SHLD1: variants seen among roughly 807,000 people sequenced by gnomAD.
SHLD1 encodes the protein shieldin complex subunit 1.
SHLD1 carries 3 observed loss-of-function variants against 5.5 expected under a neutral mutation model. The observed-to-expected ratio is 0.54, with a 90% confidence interval of 0.25 to 1.40. The LOEUF is 1.40. SHLD1 is among the 40% of genes most tolerant of loss of function. SHLD1 has a pLI of 0.15. For missense variants in SHLD1, 210 were observed against 244.4 expected, an observed-to-expected ratio of 0.86 and a Z score of 0.94; for synonymous variants, 92 against 94.3, an observed-to-expected ratio of 0.98 and a Z score of 0.14.
chr20:5,817,109 A>T (rs1214149978), intron 2 of SHLD1, among the ~76,000 whole-genome samples: 1 of 152,174 alleles, frequency 6.6e-6, no homozygotes, highest in Non-Finnish European at 1.5e-5. Flanking sequence ...GAGGATATTT[A>T]TAATATTAGC....
At chr20:5,795,430 T>C (rs2087197479) in intron 2 of SHLD1, among the ~76,000 whole-genome samples, 1 of 151,750 alleles carries the variant, frequency 6.6e-6, no homozygotes, top group Non-Finnish European at 1.5e-5. Flanking sequence ...AACCCCCCTC[T>C]GTACTAAAAA....
intron 2 of SHLD1, among the ~76,000 whole-genome samples, chr20:5,809,683 C>T (rs2087431748): frequency 1.3e-5 from 2 of 152,088 alleles, no homozygotes; most frequent in South Asian, 4.1e-4. Context: ...GTGGCCGTTG[C>T]CCCGTGCTGC....
intron 2 of SHLD1, among the ~76,000 whole-genome samples, chr20:5,832,793 AAAATAAT>A (rs2087744064): frequency 7.6e-6 from 1 of 131,080 alleles, no homozygotes; most frequent in African/African-American, 2.9e-5. Flanking sequence ...GCTGGAAATC[AAAATAAT>A]AAATAAATAA....
In SHLD1 at chr20:5,863,174, A is replaced by G; in HGVS notation, c.329A>G (p.Gln110Arg). 6.2e-7 allele frequency: 1 copy of G among 1,614,202 alleles called. No homozygotes were observed. Among genetic ancestry groups the G allele is most frequent in the Non-Finnish European group, 8.5e-7 (1 of 1,180,028 alleles). The change falls in exon 3 of 3, where the codon CAG becomes CGG. Residue 110 changes from glutamine to arginine, a missense_variant. Physicochemically the swap from Gln to Arg is conservative, Grantham distance 43. Transcript: ENST00000303142. Reference sequence around the variant, plus strand: ...TTCTATGAAATGTTTGGTCATCCACAGCCAGGCTCTGCAAACTCACTCTCT... The same window carrying G: ...TTCTATGAAATGTTTGGTCATCCACGGCCAGGCTCTGCAAACTCACTCTCT... ...DRFYEMFGHP[Q>R]PGSANSLSAS...
chr20:5,859,234 A>G (rs1343179), intron 2 of SHLD1, among the ~76,000 whole-genome samples: 5,669 of 152,266 alleles, frequency 0.037, 142 homozygotes, highest in Middle Eastern at 0.12. Context: ...GGGAGTCAAC[A>G]TTGAGTTCCC....
chr20:5,839,323 A>G lies in SHLD1; in HGVS notation c.179-23701A>G, dbSNP rs137961135. ...TTTGTGGGGAATATTCAACATTTCT[A>G]TCCTGTGATTTGAAACTGACCCTTC... On this transcript the variant is annotated intron_variant, in intron 2 of 2. Transcript: ENST00000303142. 4.1e-3 allele frequency among the ~76,000 whole-genome samples: 619 copies of G among 152,324 alleles called. 5 individuals carry two copies. Among genetic ancestry groups the G allele is most frequent in the African/African-American group, 0.012 (492 of 41,566 alleles).
At chr20:5,756,723 C>A (rs2122177295) in intron 1 of SHLD1, 1 of 171,288 alleles carries the variant, frequency 5.8e-6, no homozygotes. Context: ...TGGAGTCTCA[C>A]TCTTGTAGCC....
At chr20:5,759,336 T>C (rs1282441007) in intron 1 of SHLD1, among the ~76,000 whole-genome samples, 1 of 152,014 alleles carries the variant, frequency 6.6e-6, no homozygotes. Flanking sequence ...CTCAGCTCAC[T>C]GCAACCTCTG....
chr20:5,763,970 T>A (rs6116941), intron 1 of SHLD1, among the ~76,000 whole-genome samples: 42,649 of 103,554 alleles, frequency 0.41, 7,505 homozygotes, highest in Non-Finnish European at 0.47. Flanking sequence ...AAAAAAAAAA[T>A]AGAAAAATCA....
At chr20:5,768,748 C>A (rs1279500833) in intron 1 of SHLD1, among the ~76,000 whole-genome samples, 4 of 152,098 alleles carry the variant, frequency 2.6e-5, no homozygotes, top group Non-Finnish European at 4.4e-5. Flanking sequence ...CTGGATCAAA[C>A]CCTACTTAAT....
At chr20:5,844,799 A>AT (rs1161478171) in intron 2 of SHLD1, among the ~76,000 whole-genome samples, 957 of 71,626 alleles carry the variant, frequency 0.013, 14 homozygotes, top group Non-Finnish European at 0.023. Context: ...ATATATATAT[A>AT]TTTTTTTTTT....
Position 5,841,768 on chromosome 20 carries a change from G to A in SHLD1, c.179-21256G>A, listed in dbSNP as rs888859584. Among the ~76,000 whole-genome samples the A allele has an allele frequency of 3.9e-5, 6 of 152,160 alleles. No homozygotes were observed. The South Asian group carries it at 1.2e-3, about 31-fold the overall frequency. On this transcript the variant is annotated intron_variant, in intron 2 of 2. Coordinates refer to ENST00000303142, the MANE Select transcript of SHLD1 (RefSeq NM_152504.4). ...GCTTCTTTCTCATGATCTCTTCAAA[G>A]AGTGAATATCATGAAAGAGTAGAAA...
chr20:5,843,298 T>C (rs1320970607), intron 2 of SHLD1, among the ~76,000 whole-genome samples: 2 of 151,726 alleles, frequency 1.3e-5, no homozygotes, highest in Non-Finnish European at 2.9e-5. Context: ...TTTTTTTCTT[T>C]TTTTTTTTTC....
rs776306814 is a variant in SHLD1 at position 5,861,185 on chromosome 20, G to A, written c.179-1839G>A. Among the ~76,000 whole-genome samples, 14 of 152,226 alleles carry A rather than the reference G, an allele frequency of 9.2e-5. No individual in the cohort carries two copies. The East Asian group carries it at 2.3e-3, about 25-fold the overall frequency. ...TTCATCAACTCTGCTTCTCCATTGC[G>A]TGGTCCTTTCAGAATAAGATTGCAG... On this transcript the variant is annotated intron_variant, in intron 2 of 2. Coordinates refer to ENST00000303142, the MANE Select transcript of SHLD1 (RefSeq NM_152504.4).
chr20:5,780,822 C>T (rs574661510), intron 2 of SHLD1, among the ~76,000 whole-genome samples: 3 of 152,322 alleles, frequency 2.0e-5, no homozygotes, highest in Admixed American at 6.5e-5. Context: ...TAAGCCTGCC[C>T]TTACTCAGAT....
At chr20:5,846,299 C>T (rs1190758874) in intron 2 of SHLD1, among the ~76,000 whole-genome samples, 4 of 152,216 alleles carry the variant, frequency 2.6e-5, no homozygotes, top group African/African-American at 9.7e-5. Flanking sequence ...TATCTCTCTG[C>T]TGAATATGTA....
chr20:5,837,318 A>G (rs1196051908), intron 2 of SHLD1, among the ~76,000 whole-genome samples: 3 of 152,134 alleles, frequency 2.0e-5, no homozygotes, highest in Non-Finnish European at 2.9e-5. Flanking sequence ...CTTTTATTGT[A>G]AGCTCAGGGT....
rs73596871 is a variant in SHLD1, at chr20:5,856,232, T to C, written c.179-6792T>C. Among the ~76,000 whole-genome samples, 353 of 152,312 alleles carry C rather than the reference T, an allele frequency of 2.3e-3. 2 individuals are homozygous for C. The highest frequency in any genetic ancestry group is 8.2e-3 in the African/African-American group (339 of 41,562). ...GAGGACGTGATATGTGGAGCAAGCATGTTCGATGGCAGAGCAACAGCAAGT... is the reference window on the plus strand; with the variant it reads ...GAGGACGTGATATGTGGAGCAAGCACGTTCGATGGCAGAGCAACAGCAAGT... On this transcript the variant is annotated intron_variant, in intron 2 of 2. Coordinates refer to ENST00000303142, the MANE Select transcript of SHLD1 (RefSeq NM_152504.4).
chr20:5,808,078 G>A (rs140560675), intron 2 of SHLD1, among the ~76,000 whole-genome samples: 10 of 152,236 alleles, frequency 6.6e-5, no homozygotes, highest in South Asian at 2.1e-4. Flanking sequence ...CCAGGAGTTC[G>A]AGACCGGCTT....
Sources: allele counts gnomAD v4.1 joint callset (sites outside exome capture counted in the v4.1 genomes callset), GRCh38; gene constraint gnomAD v4.1.1; transcripts MANE v1.5; gene names NCBI Gene and HGNC (gene_info 2026-07-23, HGNC 2026-07-21).